Variants in LMO7 observed in about 807,000 individuals in gnomAD.
LMO7 encodes the protein LIM domain only protein 7.
In LMO7, 120 loss-of-function variants were observed where a neutral mutation model predicts 206.5. The observed-to-expected ratio is 0.58, with a 90% CI of 0.50 to 0.68. The LOEUF is 0.68. Ranked by LOEUF, LMO7 falls within the 30% of genes least tolerant of loss-of-function variation. The probability of loss-of-function intolerance (pLI) is 0.00; values close to 1 mark genes in which losing one functional copy is unlikely to be tolerated. For synonymous variants in LMO7, 706 were observed against 681.5 expected, an observed-to-expected ratio of 1.04 and a Z score of -0.56; for missense variants, 1,959 against 1,957.9, an observed-to-expected ratio of 1.00 and a Z score of -0.01.
At chr13:75,697,462 C>T (rs974533550) in intron 1 of LMO7, among the ~76,000 whole-genome samples, 2 of 152,140 alleles carry the variant, frequency 1.3e-5, no homozygotes, top group South Asian at 4.1e-4. Flanking sequence ...ATAAAACCAT[C>T]AGATCTCATG....
Position 75,670,966 on chromosome 13 carries a change from C to CTTTTTTTTTTTTTTTTTTTTTTTTTTTT in LMO7, c.69+34257_69+34258insTTTTTTTTTTTTTTTTTTTTTTTTTTTT, listed in dbSNP as rs552236505. ...TACCTTTTTTTTTTAATGTTTAAAA[C>CTTTTTTTTTTTTTTTTTTTTTTTTTTTT]TTTTTTTTTTTTTTTTTACTATTTA... On this transcript the variant is annotated intron_variant, in intron 1 of 30. Transcript: ENST00000377534. 1.0e-4 allele frequency among the ~76,000 whole-genome samples: 10 copies of CTTTTTTTTTTTTTTTTTTTTTTTTTTTT among 100,078 alleles called. 1 individual carries two copies. Among genetic ancestry groups the CTTTTTTTTTTTTTTTTTTTTTTTTTTTT allele is most frequent in the Admixed American group, 1.1e-4 (1 of 8,934 alleles). 65.7% of individuals were successfully genotyped at this position (100,078 alleles called of 152,430 possible).
chr13:75,825,652 G>A (rs1357411449), intron 15 of LMO7, among the ~76,000 whole-genome samples: 2 of 152,110 alleles, frequency 1.3e-5, no homozygotes, highest in African/African-American at 2.4e-5. Flanking sequence ...GGTGACTTAC[G>A]TATCTCTGAT....
At chr13:75,653,874 A>T (rs1256962046) in intron 1 of LMO7, among the ~76,000 whole-genome samples, 1 of 152,242 alleles carries the variant, frequency 6.6e-6, no homozygotes, top group Non-Finnish European at 1.5e-5. Flanking sequence ...TTTCTCAAAT[A>T]TAAACTTAGG....
chr13:75,732,944 C>T lies in LMO7; in HGVS notation c.210+5846C>T, dbSNP rs570248554. Among the ~76,000 whole-genome samples the T allele has an allele frequency of 3.3e-5, 5 of 152,304 alleles. No individual in the cohort carries two copies. The South Asian group carries it at 6.2e-4, about 19-fold the overall frequency. On this transcript the variant is annotated intron_variant, in intron 3 of 30. Transcript: ENST00000377534. ...CGGTGTCTGCAGAACAGCTGATTTT[C>T]GTGAACCGCGAATGCTGCTGTCTGA...
chr13:75,854,190 C>T (rs1162261102), intron 28 of LMO7, among the ~76,000 whole-genome samples: 1 of 152,126 alleles, frequency 6.6e-6, no homozygotes, highest in African/African-American at 2.4e-5. Context: ...TTGGCATGTA[C>T]TCCTTTCCAT....
chr13:75,670,182 A>G (rs7337929), intron 1 of LMO7, among the ~76,000 whole-genome samples: 123,041 of 152,142 alleles, frequency 0.81, 50,160 homozygotes, highest in Non-Finnish European at 0.84. Context: ...AGATGCTAGG[A>G]TGAATTAGTA....
chr13:75,744,070 C>A (rs552904768), intron 3 of LMO7, among the ~76,000 whole-genome samples: 1 of 152,154 alleles, frequency 6.6e-6, no homozygotes, highest in South Asian at 2.1e-4. Flanking sequence ...TGCCTTAACC[C>A]GTCATGTAAA....
chr13:75,664,794 C>A (rs1272518465), intron 1 of LMO7, among the ~76,000 whole-genome samples: 1 of 152,128 alleles, frequency 6.6e-6, no homozygotes, highest in Admixed American at 6.5e-5. Context: ...ACTAGAACTA[C>A]CAAGAAAAGT....
intron 1 of LMO7, among the ~76,000 whole-genome samples, chr13:75,701,333 G>A (rs1379927508): frequency 6.6e-6 from 1 of 152,176 alleles, no homozygotes; most frequent in Non-Finnish European, 1.5e-5. Flanking sequence ...ATCATAGGTA[G>A]CAAGGGCGTA....
chr13:75,737,643 C>T (rs1237722808), intron 3 of LMO7, among the ~76,000 whole-genome samples: 1 of 144,182 alleles, frequency 6.9e-6, no homozygotes, highest in African/African-American at 2.6e-5. Context: ...GTCCCAGCTA[C>T]TCGGGAGGCT....
intron 24 of LMO7, among the ~76,000 whole-genome samples, chr13:75,842,444 T>TAGA (rs2059625305): frequency 6.6e-6 from 1 of 152,084 alleles, no homozygotes; most frequent in Non-Finnish European, 1.5e-5. Context: ...CTAGAATACC[T>TAGA]GATTTAAAAT....
intron 2 of LMO7, among the ~76,000 whole-genome samples, chr13:75,714,199 A>T (rs1389220867): frequency 6.6e-6 from 1 of 152,128 alleles, no homozygotes; most frequent in Non-Finnish European, 1.5e-5. Context: ...TTGCTCCATT[A>T]TTTTTGGACC....
chr13:75,849,179 A>G lies in LMO7; in HGVS notation c.4251A>G (p.Gln1417=), dbSNP rs1299238886. Residue 1417 remains glutamine, a synonymous_variant, in exon 27 of 31, where the codon CAA becomes CAG. Transcript: ENST00000377534. ...CAGGAGCAGAATTGGAGAGGCAACA[A>G]ATCCTTCAGGAAATGAGGAAGAGAA... ...VPSGAELERQ[Q]ILQEMRKRTP... is the part of the protein sequence containing the mutation. The G allele has an allele frequency of 1.2e-6, 2 of 1,613,944 alleles. No homozygotes were observed. The highest frequency in any genetic ancestry group is 1.7e-6 in the Non-Finnish European group (2 of 1,179,918).
At chr13:75,706,124 C>T (rs1336648217) in intron 1 of LMO7, among the ~76,000 whole-genome samples, 1 of 152,146 alleles carries the variant, frequency 6.6e-6, no homozygotes, top group Non-Finnish European at 1.5e-5. Flanking sequence ...CTCCATTTCA[C>T]AAATGGGATA....
intron 3 of LMO7, among the ~76,000 whole-genome samples, chr13:75,752,490 A>C (rs1175813786): frequency 2.6e-5 from 4 of 152,132 alleles, no homozygotes; most frequent in Non-Finnish European, 5.9e-5. Context: ...TCCTACCTTA[A>C]TATATTACAC....
chr13:75,841,553 G>T, intron 23 of LMO7, 75 bp from the exon 24 acceptor site: 1 of 1,078,542 alleles, frequency 9.3e-7, no homozygotes, highest in Non-Finnish European at 1.3e-6. Flanking sequence ...ATCTAAAACT[G>T]AATATATATG....
intron 14 of LMO7, among the ~76,000 whole-genome samples, chr13:75,822,941 G>A (rs1028661308): frequency 3.3e-5 from 5 of 151,422 alleles, no homozygotes; most frequent in Admixed American, 2.0e-4. Flanking sequence ...CAGTAGTTTT[G>A]GAAGTGACAG....
At position 75,821,455 on chromosome 13, in the gene LMO7, G is replaced by C. The variant is rs753624038; in HGVS notation, c.2486G>C (p.Arg829Pro). 1.9e-6 allele frequency: 3 copies of C among 1,614,106 alleles called. No individual in the cohort carries two copies. Among genetic ancestry groups the C allele is most frequent in the South Asian group, 2.2e-5 (2 of 91,080 alleles). Reference protein sequence around the residue: ...EQSPASLSSLRSRSTQMESTR... With the variant: ...EQSPASLSSLPSRSTQMESTR... ...AGCCCAGCCTCTTTGTCTTCTCTGCGTTCACGGAGCACACAAATGGAATCA... is the reference window on the plus strand; with the variant it reads ...AGCCCAGCCTCTTTGTCTTCTCTGCCTTCACGGAGCACACAAATGGAATCA... Residue 829 changes from arginine to proline, a missense_variant, in exon 14 of 31, where the codon CGT (arginine) becomes CCT (proline). Transcript: ENST00000377534.
intron 4 of LMO7, among the ~76,000 whole-genome samples, chr13:75,770,464 G>A (rs1175401359): frequency 4.6e-5 from 7 of 152,058 alleles, no homozygotes; most frequent in Non-Finnish European, 1.0e-4. Flanking sequence ...ACTATGGACA[G>A]ATCCCAAATC....
Sources: gnomAD v4.1 joint callset for allele counts (sites outside exome capture counted in the v4.1 genomes callset) on GRCh38, gnomAD v4.1.1 for gene constraint, MANE v1.5 for transcripts, NCBI Gene and HGNC (gene_info 2026-07-23, HGNC 2026-07-21) for gene names.